CACNA1C: variants seen among roughly 807,000 people sequenced by gnomAD.
CACNA1C encodes calcium voltage-gated channel subunit alpha1 C, also known as voltage-dependent L-type calcium channel subunit alpha-1C.
A neutral mutation model predicts 229.0 loss-of-function variants in CACNA1C; 30 were observed. The ratio of observed to expected loss-of-function variants is 0.13; its 90% CI spans 0.10 to 0.18. The LOEUF (loss-of-function observed/expected upper bound fraction) is 0.18, where lower values mean the gene tolerates loss of function less well. Among genes scored for constraint, CACNA1C ranks in the 10% least tolerant of loss-of-function variants. The pLI, the probability that CACNA1C is intolerant of heterozygous loss-of-function variation, is 1.00. For synonymous variants in CACNA1C, 1,114 were observed against 1,132.5 expected (o/e 0.98, Z 0.33); for missense variants, 1,658 against 2,845.0 (o/e 0.58, Z 9.49).
At chr12:2,367,919 G>A (rs2097764547) in intron 3 of CACNA1C, among the ~76,000 whole-genome samples, 1 of 151,986 alleles carries the variant, frequency 6.6e-6, no homozygotes, top group Non-Finnish European at 1.5e-5. Context: ...TGACAAAGAT[G>A]TCACCAAAAA....
At chr12:2,247,544 T>C (rs557920753) in intron 3 of CACNA1C, among the ~76,000 whole-genome samples, 41 of 152,306 alleles carry the variant, frequency 2.7e-4, no homozygotes, top group Middle Eastern at 3.4e-3. Context: ...ATCCGCCTGG[T>C]GGGCACTTTG....
In CACNA1C at chr12:2,647,961, C is replaced by CT. The variant is rs2094518193; in HGVS notation, c.3913-513dup. ...TGGGCAGTATAGTGAGACCCTGTCT[C>CT]TAAAAAAATTAAAATAAAAAATTTA... is the stretch of plus-strand genomic sequence containing the variant. On this transcript the variant is annotated intron_variant, in intron 30 of 46. Coordinates refer to ENST00000399655, the MANE Select transcript of CACNA1C (RefSeq NM_000719.7). The surrounding 1 kb of genome is among the most constrained non-coding windows in gnomAD (Gnocchi z 4.2). Among the ~76,000 whole-genome samples, 1 of 152,010 alleles carries CT rather than the reference C, an allele frequency of 6.6e-6. No individual in the cohort carries two copies. The highest frequency in any genetic ancestry group is 2.1e-4 in the South Asian group (1 of 4,822).
intron 3 of CACNA1C, among the ~76,000 whole-genome samples, chr12:2,296,493 A>C (rs2094052856): frequency 1.3e-5 from 2 of 152,182 alleles, no homozygotes; most frequent in African/African-American, 4.8e-5. Context: ...CTGGGGTCTG[A>C]AGGAGTGCAG....
intron 3 of CACNA1C, among the ~76,000 whole-genome samples, chr12:2,438,377 A>ATGGTGG (rs1167821961): frequency 2.8e-5 from 4 of 141,422 alleles, no homozygotes; most frequent in Admixed American, 7.1e-5. Flanking sequence ...GGTGGTGGTG[A>ATGGTGG]TGGTGGTCAT....
At chr12:2,191,875 C>T (rs939430691) in intron 3 of CACNA1C, among the ~76,000 whole-genome samples, 56 of 75,616 alleles carry the variant, frequency 7.4e-4, no homozygotes, top group Non-Finnish European at 1.6e-3. Context: ...CATACACAGG[C>T]GCACACGTAC....
chr12:2,210,881 A>G (rs1174606530), intron 3 of CACNA1C, among the ~76,000 whole-genome samples: 7 of 152,192 alleles, frequency 4.6e-5, no homozygotes, highest in East Asian at 1.9e-4. Context: ...CTCCTTTCCA[A>G]TTGAATCTGC....
intron 8 of CACNA1C, among the ~76,000 whole-genome samples, chr12:2,506,201 G>A (rs977830525): frequency 6.6e-6 from 1 of 152,192 alleles, no homozygotes; most frequent in Non-Finnish European, 1.5e-5. Context: ...AGGGATAACA[G>A]TGATGAGCAG....
At chr12:2,469,673 T>A (rs947601051) in intron 5 of CACNA1C, among the ~76,000 whole-genome samples, 1 of 152,214 alleles carries the variant, frequency 6.6e-6, no homozygotes, top group Non-Finnish European at 1.5e-5. Flanking sequence ...GTGAGCACCA[T>A]CAACTGCATT....
At chr12:2,485,288 C>T (rs916943553) in intron 5 of CACNA1C, among the ~76,000 whole-genome samples, 2 of 152,068 alleles carry the variant, frequency 1.3e-5, no homozygotes, top group African/African-American at 4.8e-5. Context: ...GAATCTCACA[C>T]GTGACTTTCT....
At chr12:2,196,567 GAC>G (rs2097409562) in intron 3 of CACNA1C, among the ~76,000 whole-genome samples, 1 of 152,248 alleles carries the variant, frequency 6.6e-6, no homozygotes, top group African/African-American at 2.4e-5. Context: ...TAACACAGCT[GAC>G]ACACTATATG....
chr12:2,087,167 C>T (rs1355375989), intron 1 of CACNA1C, among the ~76,000 whole-genome samples: 1 of 152,154 alleles, frequency 6.6e-6, no homozygotes, highest in Non-Finnish European at 1.5e-5. Flanking sequence ...GATCTTGACT[C>T]CTCATCGCTC....
intron 1 of CACNA1C, among the ~76,000 whole-genome samples, chr12:1,994,718 A>C (rs2040385850): frequency 6.6e-6 from 1 of 152,230 alleles, no homozygotes; most frequent in Non-Finnish European, 1.5e-5. Context: ...TTCATACAAG[A>C]ATGAGAATTT....
chr12:2,165,670 T>C (rs1267687700), intron 3 of CACNA1C, among the ~76,000 whole-genome samples: 1 of 152,198 alleles, frequency 6.6e-6, no homozygotes, highest in Non-Finnish European at 1.5e-5. Flanking sequence ...TCTGTTTAAG[T>C]GGAAAATGCA....
chr12:2,220,074 G>C (rs367776076), intron 3 of CACNA1C, among the ~76,000 whole-genome samples: 1 of 152,188 alleles, frequency 6.6e-6, no homozygotes, highest in African/African-American at 2.4e-5. Flanking sequence ...AGCACAAGAC[G>C]GTGGAAGTGG....
chr12:2,192,206 C>G (rs923524707), intron 3 of CACNA1C, among the ~76,000 whole-genome samples: 2 of 152,214 alleles, frequency 1.3e-5, no homozygotes, highest in Non-Finnish European at 2.9e-5. Flanking sequence ...TGTTGAATAT[C>G]TGAAACTTCT....
At position 2,032,872 on chromosome 12, in the gene CACNA1C, G is replaced by A. The variant is rs1446254538; in HGVS notation, c.139+61671G>A. The stretch of plus-strand genomic sequence containing the variant: ...TAGAACGAGGTCCTGATTTAACAAC[G>A]CTGAAGCGCTGGTCCTGGAAATAAT... On this transcript the variant is annotated intron_variant, in intron 1 of 46. Coordinates refer to the CACNA1C transcript ENST00000682462. Among the ~76,000 whole-genome samples, 4 of 152,332 alleles carry A rather than the reference G, an allele frequency of 2.6e-5. No individual in the cohort carries two copies. In the East Asian group the frequency reaches 5.8e-4, roughly 22 times the overall value.
intron 21 of CACNA1C, among the ~76,000 whole-genome samples, chr12:2,600,395 A>G (rs2071337530): frequency 6.6e-6 from 1 of 152,144 alleles, no homozygotes; most frequent in Non-Finnish European, 1.5e-5. Context: ...ATTTTTGCCC[A>G]TTTCCCTCTG....
At chr12:2,333,298 T>C (rs1011515466) in intron 3 of CACNA1C, among the ~76,000 whole-genome samples, 1 of 152,094 alleles carries the variant, frequency 6.6e-6, no homozygotes, top group African/African-American at 2.4e-5. Flanking sequence ...CCAGGTGAGA[T>C]TGGGAGACTC....
chr12:2,112,709 G>C (rs1256668065), intron 1 of CACNA1C, among the ~76,000 whole-genome samples: 1 of 152,144 alleles, frequency 6.6e-6, no homozygotes, highest in Non-Finnish European at 1.5e-5. Context: ...GTCTTCTTGG[G>C]ATCATGCAGG....
Sources: allele counts gnomAD v4.1 joint callset (sites outside exome capture counted in the v4.1 genomes callset), GRCh38; gene constraint gnomAD v4.1.1; non-coding constraint Gnocchi (gnomAD v3.1); transcripts MANE v1.5; gene names NCBI Gene and HGNC (gene_info 2026-07-23, HGNC 2026-07-21).